Variants in PTPRT observed in about 807,000 individuals in gnomAD.
The protein encoded by PTPRT is receptor-type tyrosine-protein phosphatase T.
A neutral mutation model predicts 176.8 loss-of-function variants in PTPRT; 56 were observed. The observed-to-expected ratio is 0.32, with a 90% CI of 0.26 to 0.40. PTPRT has a LOEUF of 0.40. Ranked by LOEUF, PTPRT falls within the 10% of genes least tolerant of loss-of-function variation. The pLI, the probability that PTPRT is intolerant of heterozygous loss-of-function variation, is 1.00. For missense variants in PTPRT, 1,540 were observed against 1,908.2 expected (o/e 0.81, Z 3.60); for synonymous variants, 783 against 739.0 (o/e 1.06, Z -0.96).
At chr20:42,836,519 A>G (rs2078183644) in intron 2 of PTPRT, among the ~76,000 whole-genome samples, 1 of 152,190 alleles carries the variant, frequency 6.6e-6, no homozygotes, top group Non-Finnish European at 1.5e-5. Flanking sequence ...ATATGAAAAG[A>G]AAGGCCAGGT....
intron 22 of PTPRT, among the ~76,000 whole-genome samples, chr20:42,114,305 T>G (rs1034436116): frequency 7.2e-5 from 11 of 152,162 alleles, no homozygotes; most frequent in African/African-American, 2.7e-4. Flanking sequence ...ATAATAATAG[T>G]GCTTACCTTA....
chr20:42,147,161 C>T lies in PTPRT; in HGVS notation c.2683-5159G>A, dbSNP rs1220161849. Among the ~76,000 whole-genome samples, 3 of 152,180 alleles carry T rather than the reference C, an allele frequency of 2.0e-5. No homozygotes were observed. The East Asian group carries it at 5.8e-4, about 29-fold the overall frequency. ...TTTGTCACGACTGTATCTCCAGAAC[C>T]CGATGCTGGCTCTATACTTCAGATG... On this transcript the variant is annotated intron_variant, in intron 17 of 30. Transcript: ENST00000373187.
chr20:42,734,308 T>G (rs962219824), intron 6 of PTPRT, among the ~76,000 whole-genome samples: 1 of 152,072 alleles, frequency 6.6e-6, no homozygotes, highest in African/African-American at 2.4e-5. Context: ...TTCCTCTCTG[T>G]AAAATAAAGG....
At chr20:43,099,564 T>G (rs779351730) in intron 1 of PTPRT, among the ~76,000 whole-genome samples, 13 of 152,102 alleles carry the variant, frequency 8.5e-5, no homozygotes, top group Non-Finnish European at 1.6e-4. Flanking sequence ...TTCAAAGATA[T>G]CCACAAGTTT....
chr20:42,356,564 T>A (rs1333442949), intron 9 of PTPRT, among the ~76,000 whole-genome samples: 1 of 151,838 alleles, frequency 6.6e-6, no homozygotes, highest in African/African-American at 2.4e-5. Flanking sequence ...GGTGTGGTGG[T>A]GCATGCCTGT....
chr20:42,756,136 C>A (rs552458392), intron 6 of PTPRT, among the ~76,000 whole-genome samples: 1 of 152,262 alleles, frequency 6.6e-6, no homozygotes, highest in Admixed American at 6.5e-5. Context: ...GCATGCCACC[C>A]AAATACAAGG....
intron 7 of PTPRT, among the ~76,000 whole-genome samples, chr20:42,481,278 C>T (rs553448971): frequency 8.6e-5 from 13 of 152,034 alleles, no homozygotes; most frequent in Non-Finnish European, 1.5e-4. Context: ...TTTAGGCAGC[C>T]GGCAATCCTC....
chr20:43,070,755 C>T (rs1362802238), intron 1 of PTPRT, among the ~76,000 whole-genome samples: 1 of 151,816 alleles, frequency 6.6e-6, no homozygotes, highest in Non-Finnish European at 1.5e-5. Context: ...TGTTCTCACT[C>T]ATAGGTGGGA....
chr20:42,093,785 C>T (rs1161304057), intron 27 of PTPRT, among the ~76,000 whole-genome samples: 2 of 152,222 alleles, frequency 1.3e-5, no homozygotes, highest in Admixed American at 1.3e-4. Context: ...ATGCTGACGC[C>T]GCTTCAAAGA....
At chr20:42,080,993 G>A in intron 30 of PTPRT, 61 bp from the exon 31 acceptor site, 1 of 1,390,680 alleles carries the variant, frequency 7.2e-7, no homozygotes, top group East Asian at 2.3e-5. Flanking sequence ...AGATGAAAAA[G>A]GAAAGGGAAA....
chr20:42,630,664 A>C (rs2074386252), intron 7 of PTPRT, among the ~76,000 whole-genome samples: 1 of 152,220 alleles, frequency 6.6e-6, no homozygotes, highest in South Asian at 2.1e-4. Context: ...TTAATTTAAA[A>C]TCATACATTA....
At chr20:42,722,122 C>T (rs558507081) in intron 6 of PTPRT, among the ~76,000 whole-genome samples, 1 of 152,162 alleles carries the variant, frequency 6.6e-6, no homozygotes, top group Non-Finnish European at 1.5e-5. Flanking sequence ...AGTGTCCTCC[C>T]TTCCTCTCTG....
At chr20:42,037,897 G>T in the PTPRT span, among the ~76,000 whole-genome samples, 1 of 152,180 alleles carries the variant, frequency 6.6e-6, no homozygotes, top group Non-Finnish European at 1.5e-5. Context: ...GCTAGGTGGG[G>T]TGTAGGAGGC....
At chr20:42,178,130 A>G (rs1990369893) in intron 16 of PTPRT, among the ~76,000 whole-genome samples, 2 of 151,916 alleles carry the variant, frequency 1.3e-5, no homozygotes, top group African/African-American at 4.8e-5. Context: ...TAGAGATAAG[A>G]TTTCACTGTG....
intron 1 of PTPRT, among the ~76,000 whole-genome samples, chr20:43,085,528 G>A (rs1204684404): frequency 6.6e-6 from 1 of 152,130 alleles, no homozygotes; most frequent in Admixed American, 6.5e-5. Context: ...TTTATAAAGA[G>A]GTTTAATTGA....
intron 1 of PTPRT, among the ~76,000 whole-genome samples, chr20:43,030,791 T>C (rs1369089795): frequency 6.6e-6 from 1 of 152,070 alleles, no homozygotes; most frequent in Non-Finnish European, 1.5e-5. Context: ...TCACAAAAAA[T>C]GGAGTTCACT....
intron 1 of PTPRT, among the ~76,000 whole-genome samples, chr20:42,970,398 C>A (rs1228628750): frequency 6.6e-6 from 1 of 152,128 alleles, no homozygotes; most frequent in Non-Finnish European, 1.5e-5. Context: ...TGATGGTCAG[C>A]CAGTATCAAA....
chr20:42,713,045 C>T (rs2076168882), intron 6 of PTPRT, among the ~76,000 whole-genome samples: 1 of 151,966 alleles, frequency 6.6e-6, no homozygotes, highest in Admixed American at 6.6e-5. Context: ...AAATACGCTA[C>T]AATTTATGTA....
At chr20:43,148,617 G>A (rs1409073377) in intron 1 of PTPRT, among the ~76,000 whole-genome samples, 1 of 152,198 alleles carries the variant, frequency 6.6e-6, no homozygotes, top group Non-Finnish European at 1.5e-5. Context: ...CTTAAAAGAA[G>A]AGGTGTTCCC....
Sources: allele counts gnomAD v4.1 joint callset (sites outside exome capture counted in the v4.1 genomes callset), GRCh38; gene constraint gnomAD v4.1.1; transcripts MANE v1.5; gene names NCBI Gene and HGNC (gene_info 2026-07-23, HGNC 2026-07-21).